TAFA5: variants seen among roughly 807,000 people sequenced by gnomAD.
TAFA5 encodes chemokine-like protein TAFA-5.
In TAFA5, 6 loss-of-function variants were observed where a neutral mutation model predicts 15.3. The ratio of observed to expected loss-of-function variants is 0.39; its 90% CI spans 0.21 to 0.77. The LOEUF is 0.77. TAFA5 is among the 30% of genes least tolerant of loss of function. TAFA5 has a pLI of 0.41. For synonymous variants in TAFA5, 103 were observed against 80.7 expected, an observed-to-expected ratio of 1.28 and a Z score of -1.48; for missense variants, 161 against 193.1, an observed-to-expected ratio of 0.83 and a Z score of 0.98.
intron 3 of TAFA5, among the ~76,000 whole-genome samples, chr22:48,720,207 C>T (rs939195676): frequency 1.3e-5 from 2 of 151,976 alleles, no homozygotes; most frequent in African/African-American, 4.8e-5. Context: ...AGTTACGTTA[C>T]GTTGGGTCAG....
At chr22:48,564,253 CAG>C (rs1569027337) in intron 1 of TAFA5, among the ~76,000 whole-genome samples, 1 of 152,264 alleles carries the variant, frequency 6.6e-6, no homozygotes, top group Admixed American at 6.5e-5. Context: ...TGTGGCGGAA[CAG>C]GGACGCTCCA....
chr22:48,704,580 C>T (rs1929020677), intron 2 of TAFA5, among the ~76,000 whole-genome samples: 1 of 152,076 alleles, frequency 6.6e-6, no homozygotes, highest in South Asian at 2.1e-4. Flanking sequence ...GGAGCTGCAG[C>T]CTGGGTGGCT....
In TAFA5 at chr22:48,653,190, G is replaced by A. The variant is rs866745618; in HGVS notation, c.262+6444G>A. Among the ~76,000 whole-genome samples the A allele has an allele frequency of 1.6e-4, 24 of 152,338 alleles. 1 individual carries two copies. The highest frequency in any genetic ancestry group is 5.8e-4 in the African/African-American group (24 of 41,590). ...AGCGGAGAGGCGCCTGGGGGCTGTTGGCGACACTTTCTTCCCCAGCACACC... is the reference window on the plus strand; with the variant it reads ...AGCGGAGAGGCGCCTGGGGGCTGTTAGCGACACTTTCTTCCCCAGCACACC... On this transcript the variant is annotated intron_variant, in intron 2 of 3. Coordinates refer to ENST00000402357, the MANE Select transcript of TAFA5 (RefSeq NM_001082967.3).
chr22:48,591,419 G>A (rs955194760), intron 1 of TAFA5, among the ~76,000 whole-genome samples: 1 of 152,232 alleles, frequency 6.6e-6, no homozygotes, highest in African/African-American at 2.4e-5. Flanking sequence ...CCACCCCCGT[G>A]CGTCTGACCC....
At position 48,528,628 on chromosome 22, in the gene TAFA5, T is replaced by C. The variant is rs1216962171; in HGVS notation, c.112+38924T>C. ...CGGGGACTGTGGTTTGTCAGGTGCT[T>C]AGGGAGTTTGTGTAATTAACCAATG... On this transcript the variant is annotated intron_variant, in intron 1 of 3. Transcript: ENST00000402357. Among the ~76,000 whole-genome samples the C allele has an allele frequency of 2.0e-5, 3 of 152,128 alleles. No homozygotes were observed. The East Asian group carries it at 5.8e-4, about 29-fold the overall frequency.
At chr22:48,737,980 A>G (rs6010509) in intron 3 of TAFA5, among the ~76,000 whole-genome samples, 12,510 of 151,372 alleles carry the variant, frequency 0.083, 586 homozygotes, top group African/African-American at 0.11. Flanking sequence ...TCCCTGGGGG[A>G]TGCTGTTGGG....
In TAFA5 at chr22:48,539,222, G is replaced by C. The variant is rs534034380; in HGVS notation, c.112+49518G>C. ...CTCCATCTCACTGAGGATGCTGGCT[G>C]TATGGAAATGAAGACAGGACTGGCC... On this transcript the variant is annotated intron_variant, in intron 1 of 3. Coordinates refer to ENST00000402357, the MANE Select transcript of TAFA5 (RefSeq NM_001082967.3). 2.7e-3 allele frequency: 932 copies of C among 350,496 alleles called. 3 individuals are homozygous for C. Among genetic ancestry groups the C allele is most frequent in the Non-Finnish European group, 2.6e-3 (436 of 170,722 alleles). The allele number at this position is 350,496 out of a possible 1,614,324, so 21.7% of individuals were successfully genotyped here. A position where few individuals can be genotyped will look rare whatever the true frequency, so the allele number is the denominator to read the frequency against.
Position 48,707,858 on chromosome 22 carries a change from G to T in TAFA5, c.390+14G>T, listed in dbSNP as rs200604648. ...AAGACCACCACGGTATGTGGCCCTC[G>T]GCTTTCTCGTGGGTGTGCTGGGGAG... On this transcript the variant is annotated intron_variant, in intron 3 of 3. Coordinates refer to ENST00000402357, the MANE Select transcript of TAFA5 (RefSeq NM_001082967.3). The T allele has an allele frequency of 6.2e-7, 1 of 1,609,768 alleles. No individual in the cohort carries two copies. Among genetic ancestry groups the T allele is most frequent in the Non-Finnish European group, 8.5e-7 (1 of 1,177,554 alleles).
chr22:48,647,280 G>A (rs1022354068), intron 2 of TAFA5, among the ~76,000 whole-genome samples: 2 of 152,148 alleles, frequency 1.3e-5, no homozygotes, highest in African/African-American at 2.4e-5. Context: ...AGTGACCCCC[G>A]GCCCCTAGAA....
intron 1 of TAFA5, among the ~76,000 whole-genome samples, chr22:48,499,100 G>A (rs770572767): frequency 6.6e-6 from 1 of 152,204 alleles, no homozygotes; most frequent in Non-Finnish European, 1.5e-5. Context: ...GCTGTCTGCC[G>A]GGAGGGAGGT....
chr22:48,679,627 C>G (rs373660908), intron 2 of TAFA5, among the ~76,000 whole-genome samples: 97 of 55,124 alleles, frequency 1.8e-3, no homozygotes, highest in African/African-American at 3.2e-3. Context: ...ATCCCTCTCC[C>G]GGCTCCCCGT....
chr22:48,677,163 G>T (rs1157632936), intron 2 of TAFA5, among the ~76,000 whole-genome samples: 1 of 152,260 alleles, frequency 6.6e-6, no homozygotes, highest in East Asian at 1.9e-4. Flanking sequence ...GCCAGCTGCT[G>T]TGAATACAGC....
At chr22:48,500,982 G>A (rs541958398) in intron 1 of TAFA5, among the ~76,000 whole-genome samples, 12 of 152,186 alleles carry the variant, frequency 7.9e-5, no homozygotes, top group Admixed American at 3.9e-4. Flanking sequence ...ACTGCCCAAG[G>A]CCCCTTCCAT....
At chr22:48,535,503 A>G (rs913939234) in intron 1 of TAFA5, among the ~76,000 whole-genome samples, 1 of 151,594 alleles carries the variant, frequency 6.6e-6, no homozygotes, top group Non-Finnish European at 1.5e-5. Flanking sequence ...TGCACACGCA[A>G]TGTACACGTT....
intron 2 of TAFA5, among the ~76,000 whole-genome samples, chr22:48,685,344 T>C (rs941832856): frequency 3.9e-5 from 6 of 152,202 alleles, no homozygotes; most frequent in Non-Finnish European, 5.9e-5. Context: ...CTTAGTGAAA[T>C]CTCTCTTGGA....
chr22:48,721,925 C>T (rs1025011871), intron 3 of TAFA5, among the ~76,000 whole-genome samples: 12 of 151,938 alleles, frequency 7.9e-5, no homozygotes, highest in East Asian at 7.7e-4. Context: ...TGCAGTGAAC[C>T]GAAATCACAC....
At chr22:48,710,095 C>A (rs187509603) in intron 3 of TAFA5, among the ~76,000 whole-genome samples, 2 of 152,188 alleles carry the variant, frequency 1.3e-5, no homozygotes, top group East Asian at 3.9e-4. Context: ...GCCCTTCACC[C>A]ACCAGGCACC....
intron 2 of TAFA5, among the ~76,000 whole-genome samples, chr22:48,665,550 A>AT (rs76013834): frequency 0.55 from 83,362 of 151,872 alleles, 23,283 homozygotes; most frequent in East Asian, 0.67. Flanking sequence ...TTTCTGATTA[A>AT]GTTCCATGTG....
At chr22:48,491,346 A>G (rs1248947559) in intron 1 of TAFA5, among the ~76,000 whole-genome samples, 2 of 152,092 alleles carry the variant, frequency 1.3e-5, no homozygotes, top group Non-Finnish European at 2.9e-5. Flanking sequence ...AGGCATTTGA[A>G]TGCACTTCCT....
Sources: allele counts gnomAD v4.1 joint callset (sites outside exome capture counted in the v4.1 genomes callset), GRCh38; gene constraint gnomAD v4.1.1; transcripts MANE v1.5; gene names NCBI Gene and HGNC (gene_info 2026-07-23, HGNC 2026-07-21).